RAD51AP2: variants seen among roughly 807,000 people sequenced by gnomAD.
The protein encoded by RAD51AP2 is RAD51 associated protein 2.
RAD51AP2 carries 67 observed loss-of-function variants against 85.5 expected under a neutral mutation model. The ratio of observed to expected loss-of-function variants is 0.78; its 90% CI spans 0.64 to 0.96. The LOEUF (loss-of-function observed/expected upper bound fraction) is 0.96. Ranked by LOEUF, RAD51AP2 falls within the 40% of genes least tolerant of loss-of-function variation. The pLI is 0.00. For synonymous variants in RAD51AP2, 474 were observed against 446.5 expected (o/e 1.06, Z -0.78); for missense variants, 1,307 against 1,332.4 (o/e 0.98, Z 0.30).
rs745410731 is a variant in RAD51AP2 at position 17,518,111 on chromosome 2, A to G, written c.305T>C (p.Leu102Pro). The G allele has an allele frequency of 1.9e-6, 3 of 1,614,226 alleles. No individual in the cohort carries two copies. The South Asian group carries it at 3.3e-5, about 18-fold the overall frequency. ...KSVSGKQICN[L>P]KCSNLKFQMS... ...TTGGAATTTGAGATTTGAGCATTTC[A>G]GATTACATATCTGCTTCCCACTGAC... The change falls in exon 1 of 3, where the codon CTG becomes CCG. Residue 102 changes from leucine (L) to proline (P), a missense_variant. Physicochemically the swap from Leu to Pro is moderately conservative, Grantham distance 98 (BLOSUM62 -3). Around this residue, in one of 3 missense-constraint regions of RAD51AP2, gnomAD observed 635 missense variants for 643.6 expected, o/e 0.99. Coordinates refer to ENST00000399080, the MANE Select transcript of RAD51AP2 (RefSeq NM_001099218.3).
rs760594773 is a variant in RAD51AP2, at chr2:17,510,991, A to G, written c.3329-36T>C. On this transcript the variant is annotated intron_variant, in intron 2 of 2. Coordinates refer to ENST00000399080, the MANE Select transcript of RAD51AP2 (RefSeq NM_001099218.3). ...AAGACAATAAAAGTAAAAATTATCA[A>G]TAGTTTCTATGCCTAAAAATCTTTA... The G allele has an allele frequency of 4.9e-6, 7 of 1,437,456 alleles. No homozygotes were observed. The East Asian group carries it at 9.7e-5, about 20-fold the overall frequency. The allele number at this position is 1,437,456 out of a possible 1,614,324, so 89.0% of individuals were successfully genotyped here.
chr2:17,535,785 G>A, the RAD51AP2 span, among the ~76,000 whole-genome samples: 1 of 152,042 alleles, frequency 6.6e-6, no homozygotes, highest in Non-Finnish European at 1.5e-5. Context: ...AAATTAACAT[G>A]AAGATGCTCT....
Position 17,516,327 on chromosome 2 carries a change from T to C in RAD51AP2, c.2089A>G (p.Met697Val). ...KIPLLMDFDD[M>V]DEISLIREIT... ...TCTCTTATTAAAGAAATTTCATCCATGTCATCAAAGTCCATTAAAAGGGGA... is the reference window on the plus strand; with the variant it reads ...TCTCTTATTAAAGAAATTTCATCCACGTCATCAAAGTCCATTAAAAGGGGA... Residue 697 changes from methionine (M) to valine (V), a missense_variant, in exon 1 of 3, where the codon ATG (methionine) becomes GTG (valine). Physicochemically the swap from Met to Val is conservative, Grantham distance 21. This residue lies in a region of RAD51AP2 where 668 missense variants were observed against 671.0 expected (regional missense o/e 1.00). Coordinates refer to ENST00000399080, the MANE Select transcript of RAD51AP2 (RefSeq NM_001099218.3). The C allele has an allele frequency of 6.2e-7, 1 of 1,607,758 alleles. No individual in the cohort carries two copies.
upstream of RAD51AP2, among the ~76,000 whole-genome samples, chr2:17,522,337 G>C (rs1558269438): frequency 6.6e-6 from 1 of 151,914 alleles, no homozygotes; most frequent in African/African-American, 2.4e-5. Flanking sequence ...GCCATATGCT[G>C]CTTCGTTTGC....
intron 2 of RAD51AP2, 37 bp downstream of exon 2, chr2:17,513,975 T>A (rs1418744996): frequency 1.1e-5 from 12 of 1,054,608 alleles, no homozygotes; most frequent in Non-Finnish European, 1.8e-5. Flanking sequence ...GCAATAATCA[T>A]CTTAGAAGTT....
At chr2:17,535,694 C>A in the RAD51AP2 span, among the ~76,000 whole-genome samples, 1 of 151,976 alleles carries the variant, frequency 6.6e-6, no homozygotes, top group Middle Eastern at 3.2e-3. Context: ...CTAGGCAGCA[C>A]AGGGGGAAGA....
rs1558264617 is a variant in RAD51AP2, at chr2:17,515,544, T to C, written c.2872A>G (p.Ile958Val). 4 of 1,608,994 alleles carry C rather than the reference T, an allele frequency of 2.5e-6. No individual in the cohort carries two copies. Among genetic ancestry groups the C allele is most frequent in the Non-Finnish European group, 2.5e-6 (3 of 1,178,650 alleles). The change falls in exon 1 of 3, where the codon ATA (isoleucine) becomes GTA (valine). Residue 958 changes from isoleucine (I) to valine (V), a missense_variant. Physicochemically the swap from Ile to Val is conservative, Grantham distance 29. Coordinates refer to ENST00000399080, the MANE Select transcript of RAD51AP2 (RefSeq NM_001099218.3). ...AKYLSTEALT[I>V]VKDFEMKRKF... ...CTCTTCATCTCAAAATCTTTTACTA[T>C]TGTCAGAGCTTCTGTTGATAAATAT...
the RAD51AP2 span, among the ~76,000 whole-genome samples, chr2:17,531,453 A>G: frequency 6.6e-6 from 1 of 152,340 alleles, no homozygotes; most frequent in African/African-American, 2.4e-5. Flanking sequence ...CAGTCAATGA[A>G]TGTTTCTAAA....
At chr2:17,524,292 G>A in the RAD51AP2 span, among the ~76,000 whole-genome samples, 6 of 152,040 alleles carry the variant, frequency 3.9e-5, no homozygotes, top group East Asian at 7.7e-4. Flanking sequence ...CAAGCATTGC[G>A]TTAAGTATCA....
the RAD51AP2 span, among the ~76,000 whole-genome samples, chr2:17,528,570 C>T: frequency 5.9e-5 from 9 of 152,222 alleles, no homozygotes; most frequent in African/African-American, 1.4e-4. Flanking sequence ...CAGATAGGCA[C>T]GGTGGTTCAC....
chr2:17,521,809 A>G (rs1662862890), upstream of RAD51AP2, among the ~76,000 whole-genome samples: 1 of 152,030 alleles, frequency 6.6e-6, no homozygotes, highest in Non-Finnish European at 1.5e-5. Flanking sequence ...TTCATTAATG[A>G]CATCATAATC....
the RAD51AP2 span, among the ~76,000 whole-genome samples, chr2:17,529,109 A>G: frequency 6.6e-6 from 1 of 152,054 alleles, no homozygotes; most frequent in Non-Finnish European, 1.5e-5. Flanking sequence ...ACACACAGTC[A>G]CTTTTTCTTA....
chr2:17,515,138 G>C, intron 1 of RAD51AP2, 31 bp downstream of exon 1: 1 of 1,492,756 alleles, frequency 6.7e-7, no homozygotes. Context: ...TTTCTAGCAT[G>C]AGAAATAATG....
upstream of RAD51AP2, among the ~76,000 whole-genome samples, chr2:17,523,132 A>G (rs917343047): frequency 6.6e-6 from 1 of 151,894 alleles, no homozygotes; most frequent in African/African-American, 2.4e-5. Context: ...AACCTACCTC[A>G]TAGATTGCTG....
Position 17,515,260 on chromosome 2 carries a change from A to G in RAD51AP2, c.3156T>C (p.Thr1052=). 6.2e-7 allele frequency: 1 copy of G among 1,613,510 alleles called. No homozygotes were observed. The highest frequency in any genetic ancestry group is 1.1e-5 in the South Asian group (1 of 91,018). ...CTTCCTGTTCTCCATTATTGGGTAC[A>G]GTTTTCCATTTAAATAAACTTTGGT... is the stretch of plus-strand genomic sequence containing the variant. The part of the protein sequence containing the change: ...KSHQSLFKWK[T]VPNNGEQEVP... Residue 1052 remains threonine (T), a synonymous_variant, in exon 1 of 3, where the codon ACT becomes ACC. Coordinates refer to ENST00000399080, the MANE Select transcript of RAD51AP2 (RefSeq NM_001099218.3).
At chr2:17,512,165 C>G (rs1161113397) in intron 2 of RAD51AP2, among the ~76,000 whole-genome samples, 1 of 152,056 alleles carries the variant, frequency 6.6e-6, no homozygotes, top group Non-Finnish European at 1.5e-5. Flanking sequence ...ATTTAGTAGT[C>G]AACGGAAACG....
In RAD51AP2 at chr2:17,518,376, T is replaced by C. The variant is rs1328019071; in HGVS notation, c.40A>G (p.Arg14Gly). Reference sequence around the variant, plus strand: ...GGCGTTAAAGAGGAGGTAGGCTTTCTGAGCTCGGCCATCCGCGGCGTGGGC... The same window carrying C: ...GGCGTTAAAGAGGAGGTAGGCTTTCCGAGCTCGGCCATCCGCGGCGTGGGC... ...PQPTPRMAEL[R>G]KPTSSLTPPE... Residue 14 changes from arginine to glycine, a missense_variant, in exon 1 of 3, where the codon AGA becomes GGA. Physicochemically the swap from Arg to Gly is moderately radical, Grantham distance 125. Transcript: ENST00000399080. 2 of 1,613,358 alleles carry C rather than the reference T, an allele frequency of 1.2e-6. No homozygotes were observed. The highest frequency in any genetic ancestry group is 1.7e-6 in the Non-Finnish European group (2 of 1,179,762).
In RAD51AP2 at chr2:17,516,353, AT is replaced by A; in HGVS notation, c.2062del (p.Ile688PhefsTer4). ...GTCATCAAAGTCCATTAAAAGGGGA[AT>A]TTTTTCATATGTTTCAAAAATCGGA... Reference protein sequence around the residue: ...GFPIFETYEKIPLLMDFDDMD... With the variant: ...GFPIFETYEKXPLLMDFDDMD... On this transcript the variant is annotated frameshift_variant, in exon 1 of 3. Transcript: ENST00000399080. LOFTEE classifies it high-confidence loss of function. The A allele has an allele frequency of 2.5e-6, 4 of 1,611,802 alleles. No individual in the cohort carries two copies. The highest frequency in any genetic ancestry group is 3.4e-6 in the Non-Finnish European group (4 of 1,179,266).
At position 17,510,811 on chromosome 2, in the gene RAD51AP2, T is replaced by C; in HGVS notation, c.3473A>G (p.Asn1158Ser). The C allele has an allele frequency of 6.4e-7, 1 of 1,563,212 alleles. No individual in the cohort carries two copies. Reference sequence around the variant, plus strand: ...TGTTTTGAAATATGAAAGTCAAAAATTTTCTTTTAAGTTTCCGTAACACAT... The same window carrying C: ...TGTTTTGAAATATGAAAGTCAAAAACTTTCTTTTAAGTTTCCGTAACACAT... The part of the protein sequence containing the change: ...KQMCYGNLKE[N>S]F Residue 1158 changes from asparagine to serine, a missense_variant, in exon 3 of 3, where the codon AAT becomes AGT. Asn to Ser is a conservative substitution (Grantham distance 46). This residue lies in a region of RAD51AP2 where 668 missense variants were observed against 671.0 expected (regional missense o/e 1.00). Coordinates refer to ENST00000399080, the MANE Select transcript of RAD51AP2 (RefSeq NM_001099218.3).
Sources: gnomAD v4.1 joint callset for allele counts (sites outside exome capture counted in the v4.1 genomes callset) on GRCh38, gnomAD v4.1.1 for gene constraint, gnomAD v4.1.1 regional missense constraint, MANE v1.5 for transcripts, NCBI Gene and HGNC (gene_info 2026-07-23, HGNC 2026-07-21) for gene names.